GOT1: variants seen among roughly 807,000 people sequenced by gnomAD.
GOT1 encodes the protein aspartate aminotransferase, cytoplasmic.
GOT1 carries 25 observed loss-of-function variants against 48.2 expected under a neutral mutation model. That is an observed-to-expected ratio of 0.52 (90% CI 0.38 to 0.72). The LOEUF is 0.72. Among genes scored for constraint, GOT1 ranks in the 30% least tolerant of loss-of-function variants. GOT1 has a pLI of 0.00. For missense variants in GOT1, 380 were observed against 520.1 expected, an observed-to-expected ratio of 0.73 and a Z score of 2.62; for synonymous variants, 188 against 193.8, an observed-to-expected ratio of 0.97 and a Z score of 0.25.
chr10:99,419,150 T>C (rs558893216), intron 2 of GOT1, among the ~76,000 whole-genome samples: 71 of 152,180 alleles, frequency 4.7e-4, no homozygotes, highest in Non-Finnish European at 8.7e-4. Flanking sequence ...AAACCTACTG[T>C]ACACAGCATG....
Position 99,429,392 on chromosome 10 carries a change from C to G in GOT1, c.118+1056G>C, listed in dbSNP as rs545819232. 4.7e-4 allele frequency among the ~76,000 whole-genome samples: 71 copies of G among 150,424 alleles called. 1 individual carries two copies. The highest frequency in any genetic ancestry group is 1.7e-3 in the African/African-American group (69 of 40,716). On this transcript the variant is annotated intron_variant, in intron 1 of 8. Coordinates refer to ENST00000370508, the MANE Select transcript of GOT1 (RefSeq NM_002079.3). Reference sequence around the variant, plus strand: ...TAACAAATGCTATGCACAGACAAAACGTTATCTATGAGAAACCTGATTCTG... The same window carrying G: ...TAACAAATGCTATGCACAGACAAAAGGTTATCTATGAGAAACCTGATTCTG...
intron 1 of GOT1, among the ~76,000 whole-genome samples, chr10:99,428,059 G>A (rs2033063514): frequency 6.6e-6 from 1 of 152,198 alleles, no homozygotes; most frequent in Non-Finnish European, 1.5e-5. Context: ...ATTGCTTCTG[G>A]CCTGTGCTGT....
rs374880822 is a variant in GOT1 at position 99,430,605 on chromosome 10, G to A, written c.-40C>T. 9 of 1,509,628 alleles carry A rather than the reference G, an allele frequency of 6.0e-6. No individual in the cohort carries two copies. In the Middle Eastern group the frequency reaches 5.3e-4, roughly 88 times the overall value. The allele number at this position is 1,509,628 out of a possible 1,614,324, so 93.5% of individuals were successfully genotyped here. A position where few individuals can be genotyped will look rare whatever the true frequency, so the allele number is the denominator to read the frequency against. On this transcript the variant is annotated 5_prime_UTR_variant, in exon 1 of 9. Coordinates refer to ENST00000370508, the MANE Select transcript of GOT1 (RefSeq NM_002079.3). The stretch of plus-strand genomic sequence containing the variant: ...AATCAAGAGATTTCACCCCACGCCC[G>A]GAGCTGGCAGGTCAGGTCTGGCCGT...
chr10:99,430,383 C>T, intron 1 of GOT1, 65 bp downstream of exon 1: 4 of 1,606,828 alleles, frequency 2.5e-6, no homozygotes, highest in Non-Finnish European at 3.4e-6. Context: ...CCACAGTCTC[C>T]ACGACCTGGG....
At chr10:99,410,065 T>C (rs2032810624) in intron 2 of GOT1, among the ~76,000 whole-genome samples, 2 of 152,234 alleles carry the variant, frequency 1.3e-5, no homozygotes, top group Admixed American at 1.3e-4. Flanking sequence ...AAATGCTCAG[T>C]GTGTGTCAGA....
chr10:99,416,177 G>A (rs985309469), intron 2 of GOT1, among the ~76,000 whole-genome samples: 1 of 152,180 alleles, frequency 6.6e-6, no homozygotes, highest in Non-Finnish European at 1.5e-5. Flanking sequence ...TGACATGATT[G>A]TGTATCTAGA....
At chr10:99,398,300 G>C (rs2032625750) in intron 8 of GOT1, among the ~76,000 whole-genome samples, 1 of 152,244 alleles carries the variant, frequency 6.6e-6, no homozygotes. Context: ...ATGTGGGTAA[G>C]AAGAGACTAC....
At chr10:99,403,437 C>T (rs2275952) in intron 7 of GOT1, 32 bp downstream of exon 7, 148,628 of 1,567,212 alleles carry the variant, frequency 0.095, 7,939 homozygotes, top group South Asian at 0.19. Context: ...GCACTCCCCA[C>T]CCCCCGGCCC....
chr10:99,407,772 TAAAA>T (rs2032780359), intron 2 of GOT1, among the ~76,000 whole-genome samples: 6 of 137,174 alleles, frequency 4.4e-5, no homozygotes, highest in Admixed American at 8.2e-5. Context: ...TAGGCAATAA[TAAAA>T]GCCATATTTT....
At chr10:99,405,886 T>C in intron 4 of GOT1, 26 bp from the exon 5 acceptor site, 2 of 1,257,604 alleles carry the variant, frequency 1.6e-6, no homozygotes, top group East Asian at 4.6e-5. Context: ...CTATGTCAGC[T>C]CTGACACTGA....
chr10:99,398,784 CTA>C (rs1554946174), intron 8 of GOT1, among the ~76,000 whole-genome samples: 1 of 152,152 alleles, frequency 6.6e-6, no homozygotes, highest in Non-Finnish European at 1.5e-5. Context: ...GGAGTAAACA[CTA>C]TGTGCCAGGC....
chr10:99,409,118 GT>G (rs1230553613), intron 2 of GOT1, among the ~76,000 whole-genome samples: 2 of 149,312 alleles, frequency 1.3e-5, no homozygotes, highest in Non-Finnish European at 3.0e-5. Context: ...TAATAAAAAG[GT>G]TTTTTTTGTG....
intron 5 of GOT1, among the ~76,000 whole-genome samples, chr10:99,404,961 G>T (rs1392405754): frequency 6.6e-6 from 1 of 152,064 alleles, no homozygotes; most frequent in Non-Finnish European, 1.5e-5. Context: ...CTGCTTCCAG[G>T]AAGGTTCCTG....
intron 1 of GOT1, among the ~76,000 whole-genome samples, chr10:99,421,947 G>A (rs1043635524): frequency 1.3e-5 from 2 of 152,132 alleles, no homozygotes; most frequent in Admixed American, 6.5e-5. Flanking sequence ...ATTGGGAAAA[G>A]CCCAGAAGGT....
chr10:99,414,221 G>A (rs1383886374), intron 2 of GOT1, among the ~76,000 whole-genome samples: 1 of 152,152 alleles, frequency 6.6e-6, no homozygotes, highest in Non-Finnish European at 1.5e-5. Context: ...ACATACATGG[G>A]CTCAAAATAA....
At chr10:99,398,963 C>T (rs973516856) in intron 8 of GOT1, among the ~76,000 whole-genome samples, 4 of 152,150 alleles carry the variant, frequency 2.6e-5, no homozygotes, top group African/African-American at 9.7e-5. Flanking sequence ...ACACTGCCCC[C>T]GTGATGCTAC....
chr10:99,415,020 C>T (rs1466503483), intron 2 of GOT1, among the ~76,000 whole-genome samples: 1 of 151,970 alleles, frequency 6.6e-6, no homozygotes, highest in African/African-American at 2.4e-5. Context: ...CCTAACATCA[C>T]AATTAAAAGA....
At chr10:99,406,690 T>G in intron 3 of GOT1, 36 bp downstream of exon 3, 1 of 1,602,524 alleles carries the variant, frequency 6.2e-7, no homozygotes, top group Non-Finnish European at 8.5e-7. Context: ...TCTCTCTGGT[T>G]TCTGTTTTTC....
chr10:99,404,657 A>G (rs1335226831), intron 5 of GOT1, among the ~76,000 whole-genome samples: 1 of 151,978 alleles, frequency 6.6e-6, no homozygotes, highest in Non-Finnish European at 1.5e-5. Flanking sequence ...CCTCTCTCTG[A>G]CCCATTCCCT....
Sources: gnomAD v4.1 joint callset for allele counts (sites outside exome capture counted in the v4.1 genomes callset) on GRCh38, gnomAD v4.1.1 for gene constraint, MANE v1.5 for transcripts, NCBI Gene and HGNC (gene_info 2026-07-23, HGNC 2026-07-21) for gene names.